Variants in DNMT3A observed in about 807,000 individuals in gnomAD.
The protein encoded by DNMT3A is DNA methyltransferase 3 alpha, also known as DNA (cytosine-5)-methyltransferase 3A.
A neutral mutation model predicts 117.6 loss-of-function variants in DNMT3A; 267 were observed. That is an observed-to-expected ratio of 2.27 (90% CI 2.05 to 2.51). The LOEUF is 2.51. Ranked by LOEUF, DNMT3A falls within the 30% of genes most tolerant of loss-of-function variation. The pLI is 0.00. For missense variants in DNMT3A, 1,029 were observed against 1,260.2 expected (o/e 0.82, Z 2.78); for synonymous variants, 432 against 474.8 (o/e 0.91, Z 1.17).
intron 4 of DNMT3A, among the ~76,000 whole-genome samples, chr2:25,279,647 TG>T (rs1238116176): frequency 6.6e-6 from 1 of 151,894 alleles, no homozygotes; most frequent in East Asian, 1.9e-4. Flanking sequence ...CCTGGATAGC[TG>T]GGACCACACA....
intron 3 of DNMT3A, among the ~76,000 whole-genome samples, chr2:25,288,551 C>T (rs932810259): frequency 1.3e-5 from 2 of 152,090 alleles, no homozygotes; most frequent in Non-Finnish European, 2.9e-5. Context: ...ACTTCATGAT[C>T]CACCCACCTC....
intron 6 of DNMT3A, among the ~76,000 whole-genome samples, chr2:25,272,544 G>A (rs1295485254): frequency 6.6e-6 from 1 of 152,190 alleles, no homozygotes; most frequent in Non-Finnish European, 1.5e-5. Context: ...AGAACCAGGA[G>A]CTAAAAAGCA....
chr2:25,336,488 G>A (rs888794584), intron 1 of DNMT3A, among the ~76,000 whole-genome samples: 5 of 151,964 alleles, frequency 3.3e-5, no homozygotes, highest in Non-Finnish European at 7.4e-5. Context: ...CCCCTTAATC[G>A]TCACAACCCC....
intron 3 of DNMT3A, among the ~76,000 whole-genome samples, chr2:25,285,176 G>C (rs573827149): frequency 6.6e-6 from 1 of 152,300 alleles, no homozygotes; most frequent in South Asian, 2.1e-4. Context: ...ATTCCCTCCA[G>C]AGTTTCCCAC....
chr2:25,265,373 G>C (rs2030228320), intron 6 of DNMT3A, among the ~76,000 whole-genome samples: 1 of 152,212 alleles, frequency 6.6e-6, no homozygotes, highest in Non-Finnish European at 1.5e-5. Context: ...GGAAAACTGG[G>C]AGTGTAGGTT....
chr2:25,341,618 C>T (rs1289755466), intron 1 of DNMT3A, among the ~76,000 whole-genome samples: 2 of 146,824 alleles, frequency 1.4e-5, no homozygotes, highest in Admixed American at 6.7e-5. Flanking sequence ...CATAAACAAA[C>T]CCTCAAATCC....
chr2:25,287,944 C>T (rs1456657063), intron 3 of DNMT3A, among the ~76,000 whole-genome samples: 1 of 151,774 alleles, frequency 6.6e-6, no homozygotes, highest in African/African-American at 2.4e-5. Context: ...AAGCGATTCT[C>T]CTGCCTCAGC....
chr2:25,241,656 G>A lies in DNMT3A; in HGVS notation c.1988C>T (p.Ser663Leu), dbSNP rs553080210. 6.2e-6 allele frequency: 10 copies of A among 1,614,036 alleles called. No homozygotes were observed. The highest frequency in any genetic ancestry group is 3.3e-5 in the Admixed American group (2 of 60,014). ...LGIQVDRYIA[S>L]EVCEDSITVG... Reference sequence around the variant, plus strand: ...CGTGATGGAGTCCTCACACACCTCCGAGGCAATGTAGCGGTCCACCTGAAT... The same window carrying A: ...CGTGATGGAGTCCTCACACACCTCCAAGGCAATGTAGCGGTCCACCTGAAT... The change falls in exon 17 of 23, where the codon TCG becomes TTG. Residue 663 changes from serine (S) to leucine (L), a missense_variant. By Grantham distance (145) the Ser-to-Leu change is moderately radical. Transcript: ENST00000321117.
intron 1 of DNMT3A, among the ~76,000 whole-genome samples, chr2:25,315,194 C>G (rs1380992816): frequency 2.0e-5 from 3 of 152,214 alleles, no homozygotes; most frequent in African/African-American, 7.2e-5. Context: ...TGGGCTTCTC[C>G]TCCCATCCCC....
chr2:25,249,851 G>C (rs1675297652), intron 6 of DNMT3A: 1 of 1,071,832 alleles, frequency 9.3e-7, no homozygotes, highest in South Asian at 1.4e-5. Flanking sequence ...ATTTAGAGGG[G>C]AGAAAACCCC....
chr2:25,272,948 C>T lies in DNMT3A; in HGVS notation c.639+1993G>A, dbSNP rs918579966. On this transcript the variant is annotated intron_variant, in intron 6 of 22. Transcript: ENST00000321117. ...TCTTGAGTAGCTGGGACTATAGGCA[C>T]GCACCACCACACCTGGCTAATTGTT... Among the ~76,000 whole-genome samples the T allele has an allele frequency of 3.5e-4, 53 of 150,244 alleles. 1 individual carries two copies. The highest frequency in any genetic ancestry group is 1.2e-3 in the African/African-American group (48 of 40,720).
intron 1 of DNMT3A, among the ~76,000 whole-genome samples, chr2:25,332,761 C>T (rs974995339): frequency 6.6e-6 from 1 of 152,250 alleles, no homozygotes; most frequent in Non-Finnish European, 1.5e-5. Flanking sequence ...AGGCAGGGCC[C>T]TCAGGCCACC....
chr2:25,249,526 T>C (rs1198477609), intron 6 of DNMT3A: 2 of 1,056,814 alleles, frequency 1.9e-6, no homozygotes, highest in African/African-American at 3.1e-5. Context: ...TTCAGATCCA[T>C]AAATACATGT....
At chr2:25,326,318 G>A (rs2034788430) in intron 1 of DNMT3A, among the ~76,000 whole-genome samples, 1 of 152,166 alleles carries the variant, frequency 6.6e-6, no homozygotes, top group Non-Finnish European at 1.5e-5. Flanking sequence ...TTGGTAGAAT[G>A]ATGGTTGGGG....
At position 25,234,424 on chromosome 2, in the gene DNMT3A, G is replaced by C. The variant is rs1359106670; in HGVS notation, c.2598-4C>G. 2.5e-6 allele frequency: 4 copies of C among 1,611,628 alleles called. No homozygotes were observed. The South Asian group carries it at 4.4e-5, about 18-fold the overall frequency. ...GTGGACTGGGAAACCAAATACCCTG[G>C]GGGAGAAAAGGCAGAGAGGGCAGGG... On this transcript the variant is annotated splice_polypyrimidine_tract_variant and splice_region_variant and intron_variant, in intron 22 of 22. Coordinates refer to ENST00000321117, the MANE Select transcript of DNMT3A (RefSeq NM_022552.5). The surrounding 1 kb of genome is among the most constrained non-coding windows in gnomAD (Gnocchi z 4.5).
intron 2 of DNMT3A, among the ~76,000 whole-genome samples, chr2:25,313,650 C>T (rs1273129394): frequency 6.6e-6 from 1 of 152,198 alleles, no homozygotes; most frequent in Non-Finnish European, 1.5e-5. Context: ...ATGGCACAGA[C>T]CTGGGCTTTG....
Position 25,247,579 on chromosome 2 carries a change from C to T in DNMT3A, c.1014+12G>A, listed in dbSNP as rs1674964463. On this transcript the variant is annotated intron_variant, in intron 8 of 22. Transcript: ENST00000321117. This position sits in a 1 kb window ranked among gnomAD's most constrained non-coding sequence, Gnocchi z 5.6. The stretch of plus-strand genomic sequence containing the variant: ...CCCCCACCCCAGGCTACTGCCAAAC[C>T]CCACAACTTACCACTGAGAATTTGC... The T allele has an allele frequency of 6.2e-7, 1 of 1,613,384 alleles. No homozygotes were observed. Among genetic ancestry groups the T allele is most frequent in the Non-Finnish European group, 8.5e-7 (1 of 1,179,648 alleles).
At chr2:25,238,130 C>T (rs1249072699) in intron 20 of DNMT3A, among the ~76,000 whole-genome samples, 1 of 152,128 alleles carries the variant, frequency 6.6e-6, no homozygotes, top group African/African-American at 2.4e-5. Context: ...CAAGGTCTGT[C>T]GGGAGACACT....
chr2:25,312,477 G>A (rs1222942706), intron 2 of DNMT3A, among the ~76,000 whole-genome samples: 2 of 152,188 alleles, frequency 1.3e-5, no homozygotes, highest in East Asian at 3.9e-4. Context: ...GCTGGGCTGG[G>A]AAGGCAGGTC....
Sources: gnomAD v4.1 joint callset for allele counts (sites outside exome capture counted in the v4.1 genomes callset) on GRCh38, gnomAD v4.1.1 for gene constraint, Gnocchi (gnomAD v3.1) non-coding constraint, MANE v1.5 for transcripts, NCBI Gene and HGNC (gene_info 2026-07-23, HGNC 2026-07-21) for gene names.